Variants in SLC17A1 observed in about 807,000 individuals in gnomAD.
The protein encoded by SLC17A1 is solute carrier family 17 member 1, also known as sodium-dependent phosphate transport protein 1.
In SLC17A1, 51 loss-of-function variants were observed where a neutral mutation model predicts 53.5. The observed-to-expected ratio is 0.95, with a 90% CI of 0.76 to 1.20. SLC17A1 has a LOEUF of 1.20. Ranked by LOEUF, SLC17A1 falls within the 50% of genes most tolerant of loss-of-function variation. The pLI is 0.00. For missense variants in SLC17A1, 538 were observed against 568.2 expected, an observed-to-expected ratio of 0.95 and a Z score of 0.54; for synonymous variants, 179 against 198.8, an observed-to-expected ratio of 0.90 and a Z score of 0.84.
At chr6:25,730,946 T>C in the SLC17A1 span, among the ~76,000 whole-genome samples, 1 of 152,134 alleles carries the variant, frequency 6.6e-6, no homozygotes. Context: ...GAGACTGAAG[T>C]GGATGGAGGT....
downstream of SLC17A1, chr6:25,779,223 G>C: frequency 6.2e-7 from 1 of 1,609,154 alleles, no homozygotes; most frequent in Non-Finnish European, 8.5e-7. Context: ...CTGGTGCTTA[G>C]TTCATCATTG....
chr6:25,773,569 C>A, the SLC17A1 span: 27 of 1,613,876 alleles, frequency 1.7e-5, no homozygotes, highest in African/African-American at 3.2e-4. Context: ...CCTTACCACT[C>A]TGGGCCATTT....
At chr6:25,753,234 G>C in the SLC17A1 span, among the ~76,000 whole-genome samples, 1 of 152,146 alleles carries the variant, frequency 6.6e-6, no homozygotes, top group Admixed American at 6.5e-5. Context: ...CAAGTGTAAA[G>C]GCCTTGAACT....
At chr6:25,820,652 G>T (rs1469994922) in intron 3 of SLC17A1, among the ~76,000 whole-genome samples, 1 of 151,982 alleles carries the variant, frequency 6.6e-6, no homozygotes, top group Non-Finnish European at 1.5e-5. Flanking sequence ...AGGACGAGGC[G>T]GGCGGATCAC....
chr6:25,761,845 T>C, the SLC17A1 span: 2 of 748,424 alleles, frequency 2.7e-6, no homozygotes, highest in East Asian at 5.6e-5. Flanking sequence ...ACAGCAACAT[T>C]TGCTCCTAGT....
At chr6:25,748,623 A>G in the SLC17A1 span, among the ~76,000 whole-genome samples, 32 of 152,146 alleles carry the variant, frequency 2.1e-4, no homozygotes, top group African/African-American at 7.7e-4. Context: ...CATACGGAGG[A>G]CCTGCACCGG....
Position 25,810,775 on chromosome 6 carries a change from G to A in SLC17A1, c.1178+623C>T, listed in dbSNP as rs78535990. ...GGTGTCTATCCAAAGGAAATGAAGT[G>A]AGAATGTCAAAAGAGATATCTGCAC... On this transcript the variant is annotated intron_variant, in intron 10 of 12. Transcript: ENST00000244527. Among the ~76,000 whole-genome samples, 8 of 152,226 alleles carry A rather than the reference G, an allele frequency of 5.3e-5. No homozygotes were observed. In the East Asian group the frequency reaches 1.3e-3, roughly 26 times the overall value.
At chr6:25,728,951 T>C in the SLC17A1 span, among the ~76,000 whole-genome samples, 6 of 152,100 alleles carry the variant, frequency 3.9e-5, no homozygotes, top group South Asian at 2.1e-4. Context: ...AGGTGACAAA[T>C]TGGGGGGAAG....
chr6:25,777,195 A>G, the SLC17A1 span: 1 of 473,278 alleles, frequency 2.1e-6, no homozygotes, highest in South Asian at 3.7e-5. Flanking sequence ...CTCAGAGTCA[A>G]CTGAGGGAGA....
intron 3 of SLC17A1, among the ~76,000 whole-genome samples, chr6:25,825,778 G>T (rs145000212): frequency 2.0e-5 from 3 of 152,030 alleles, no homozygotes; most frequent in African/African-American, 4.8e-5. Flanking sequence ...TCATGCACAT[G>T]TTACACCATT....
chr6:25,796,905 T>G (rs993828640), intron 12 of SLC17A1, among the ~76,000 whole-genome samples: 1 of 152,202 alleles, frequency 6.6e-6, no homozygotes, highest in Non-Finnish European at 1.5e-5. Context: ...ACAGATGAGA[T>G]GCCAACCTAT....
At chr6:25,728,094 A>G in the SLC17A1 span, among the ~76,000 whole-genome samples, 1 of 152,182 alleles carries the variant, frequency 6.6e-6, no homozygotes, top group African/African-American at 2.4e-5. Flanking sequence ...TACACATAAT[A>G]AAACTAAAAA....
At chr6:25,777,647 T>A in the SLC17A1 span, 9 of 307,316 alleles carry the variant, frequency 2.9e-5, no homozygotes, top group East Asian at 5.2e-4. Context: ...AATCTGACCA[T>A]CTTGCATAAA....
chr6:25,748,927 G>C, the SLC17A1 span, among the ~76,000 whole-genome samples: 4 of 152,232 alleles, frequency 2.6e-5, no homozygotes, highest in Non-Finnish European at 5.9e-5. Flanking sequence ...TCCTATCTCA[G>C]AATTGAACAA....
chr6:25,765,425 C>A, the SLC17A1 span, among the ~76,000 whole-genome samples: 1 of 152,202 alleles, frequency 6.6e-6, no homozygotes, highest in East Asian at 1.9e-4. Context: ...ATCATCCAGG[C>A]ACAAAGAGGT....
At chr6:25,809,495 A>T (rs1362808467) in intron 10 of SLC17A1, among the ~76,000 whole-genome samples, 3 of 152,086 alleles carry the variant, frequency 2.0e-5, no homozygotes, top group Non-Finnish European at 4.4e-5. Context: ...ACACACACAC[A>T]CACAAAATCA....
At chr6:25,828,695 A>G (rs1764838246) in intron 2 of SLC17A1, among the ~76,000 whole-genome samples, 2 of 152,056 alleles carry the variant, frequency 1.3e-5, no homozygotes, top group South Asian at 2.1e-4. Context: ...TTATTAGATA[A>G]TAAATATTTT....
the SLC17A1 span, among the ~76,000 whole-genome samples, chr6:25,752,680 C>T: frequency 7.9e-5 from 12 of 152,126 alleles, no homozygotes; most frequent in Non-Finnish European, 1.0e-4. Flanking sequence ...AGGCCGGGTG[C>T]GGTGGCTCAC....
intron 3 of SLC17A1, among the ~76,000 whole-genome samples, chr6:25,820,897 C>CAAA (rs59962368): frequency 1.4e-4 from 9 of 62,106 alleles, no homozygotes; most frequent in African/African-American, 1.9e-4. Flanking sequence ...GACTCCATCT[C>CAAA]AAAAAAAAAA....
Sources: gnomAD v4.1 joint callset for allele counts (sites outside exome capture counted in the v4.1 genomes callset) on GRCh38, gnomAD v4.1.1 for gene constraint, MANE v1.5 for transcripts, NCBI Gene and HGNC (gene_info 2026-07-23, HGNC 2026-07-21) for gene names.